The following SPTAN1 variants were observed in gnomAD, a reference collection of about 807,000 sequenced individuals.
SPTAN1 encodes spectrin alpha chain, non-erythrocytic 1.
Under a neutral mutation model 331.3 loss-of-function variants are expected in SPTAN1, and 61 were observed. That is an observed-to-expected ratio of 0.18 (90% confidence interval 0.15 to 0.23). The LOEUF is 0.23. Among genes scored for constraint, SPTAN1 ranks in the 10% least tolerant of loss-of-function variants. SPTAN1 has a pLI of 1.00. For synonymous variants in SPTAN1, 1,153 were observed against 1,173.9 expected (o/e 0.98, Z 0.36); for missense variants, 2,043 against 3,147.9 (o/e 0.65, Z 8.40).
chr9:128,630,141 C>T, intron 51 of SPTAN1, 180 bp from the exon 52 acceptor site: 1 of 778,554 alleles, frequency 1.3e-6, no homozygotes, highest in South Asian at 1.4e-5. Flanking sequence ...GGGAGAAATG[C>T]TCCCTGCCAT....
At chr9:128,575,652 C>G (rs558280047) in intron 5 of SPTAN1, among the ~76,000 whole-genome samples, 2 of 152,140 alleles carry the variant, frequency 1.3e-5, no homozygotes, top group Non-Finnish European at 2.9e-5. Flanking sequence ...GTTTCTCAGA[C>G]GAGGGTGTGG....
chr9:128,578,774 A>G (rs1175543331), intron 9 of SPTAN1, among the ~76,000 whole-genome samples: 1 of 150,158 alleles, frequency 6.7e-6, no homozygotes, highest in Non-Finnish European at 1.5e-5. Context: ...GGTTGCAGTG[A>G]GCCAAGATCA....
In SPTAN1 at chr9:128,577,652, CTGTT is replaced by C. The variant is rs538213819; in HGVS notation, c.1085+149_1085+152del. 4.2e-4 allele frequency: 470 copies of C among 1,114,694 alleles called. No individual in the cohort carries two copies. The African/African-American group carries it at 4.9e-3, about 12-fold the overall frequency. The allele number at this position is 1,114,694 out of a possible 1,614,324, so 69.1% of individuals were successfully genotyped here. On this transcript the variant is annotated intron_variant, in intron 8 of 56. Coordinates refer to ENST00000372739, the MANE Select transcript of SPTAN1 (RefSeq NM_001130438.3). This position sits in a 1 kb window ranked among gnomAD's most constrained non-coding sequence, Gnocchi z 4.2. ...AAATCACTTCTTACCTATGTTCTCT[CTGTT>C]TGGAGACTGGCAACTGTATCATGTG...
In SPTAN1 at chr9:128,591,561, TC is replaced by T; in HGVS notation, c.3094del (p.Arg1032GlyfsTer11). ...VKKLDPAQSA[S>X]RENLLEEQGS... ...GAAATTGGACCCCGCCCAGTCAGCC[TC>T]CCGGGAGAATCTCCTGGAGGAGCAA... On this transcript the variant is annotated frameshift_variant, in exon 22 of 57. Coordinates refer to ENST00000372739, the MANE Select transcript of SPTAN1 (RefSeq NM_001130438.3). LOFTEE classifies it high-confidence loss of function. The T allele has an allele frequency of 6.2e-7, 1 of 1,614,100 alleles. No individual in the cohort carries two copies.
intron 39 of SPTAN1, among the ~76,000 whole-genome samples, chr9:128,612,789 G>A (rs1856714450): frequency 6.6e-6 from 1 of 152,118 alleles, no homozygotes; most frequent in Non-Finnish European, 1.5e-5. Flanking sequence ...AGCCAGGCGT[G>A]GTGGCACGCT....
intron 45 of SPTAN1, among the ~76,000 whole-genome samples, chr9:128,622,951 C>T (rs980218930): frequency 1.3e-5 from 2 of 151,862 alleles, no homozygotes; most frequent in African/African-American, 4.8e-5. Context: ...TGGGGTTTCA[C>T]CATGTTGGTT....
At position 128,629,059 on chromosome 9, in the gene SPTAN1, C is replaced by G; in HGVS notation, c.6707+1117C>G. ...CTGCCAGCTTGGGCTTTGTGTGTGT[C>G]TGTTGCAGTGTGCTCTTGCCTCCCC... On this transcript the variant is annotated intron_variant, in intron 51 of 56. Coordinates refer to ENST00000372739, the MANE Select transcript of SPTAN1 (RefSeq NM_001130438.3). This position sits in a 1 kb window ranked among gnomAD's most constrained non-coding sequence, Gnocchi z 4.9. 1 of 398,418 alleles carries G rather than the reference C, an allele frequency of 2.5e-6. No homozygotes were observed. The highest frequency in any genetic ancestry group is 3.6e-5 in the East Asian group (1 of 28,036). The allele number at this position is 398,418 out of a possible 1,614,324, so 24.7% of individuals were successfully genotyped here.
chr9:128,603,755 G>A (rs943022327), intron 28 of SPTAN1, among the ~76,000 whole-genome samples, 165 bp downstream of exon 28: 13 of 152,216 alleles, frequency 8.5e-5, no homozygotes, highest in Admixed American at 8.5e-4. Flanking sequence ...ATTCATGGCC[G>A]CTGGGTAGCT....
chr9:128,575,491 G>A (rs984933291), intron 5 of SPTAN1, 146 bp downstream of exon 5: 1 of 885,898 alleles, frequency 1.1e-6, no homozygotes, highest in African/African-American at 1.7e-5. Flanking sequence ...TTAGATGTGA[G>A]GCACAATACT....
chr9:128,624,086 CAAAAAAAAAAAA>C lies in SPTAN1; in HGVS notation c.5833-227_5833-216del, dbSNP rs11444346. ...CGACGGAGTGAAATTCACTCCGTCT[CAAAAAAAAAAAA>C]AAAAAAAAAAAAAAGAATTCCTAAA... is the stretch of plus-strand genomic sequence containing the variant. On this transcript the variant is annotated intron_variant, in intron 45 of 56. Coordinates refer to ENST00000372739, the MANE Select transcript of SPTAN1 (RefSeq NM_001130438.3). Among the ~76,000 whole-genome samples, 2,988 of 66,864 alleles carry C rather than the reference CAAAAAAAAAAAA, an allele frequency of 0.045. 113 individuals carry two copies. Among genetic ancestry groups the C allele is most frequent in the African/African-American group, 0.1 (2,341 of 22,576 alleles). 43.9% of individuals were successfully genotyped at this position (66,864 alleles called of 152,430 possible).
chr9:128,595,293 A>G (rs184675224), intron 24 of SPTAN1, among the ~76,000 whole-genome samples: 7 of 152,204 alleles, frequency 4.6e-5, no homozygotes, highest in African/African-American at 9.6e-5. Context: ...TATTTTTAGT[A>G]CAACCGGGAT....
chr9:128,619,663 C>G (rs10819424), intron 44 of SPTAN1, among the ~76,000 whole-genome samples: 20,548 of 152,260 alleles, frequency 0.13, 1,820 homozygotes, highest in East Asian at 0.44. Context: ...ATGACCTCAT[C>G]TTACCTTTGC....
At chr9:128,564,000 T>C (rs760762327) in intron 1 of SPTAN1, among the ~76,000 whole-genome samples, 1 of 152,078 alleles carries the variant, frequency 6.6e-6, no homozygotes, top group Non-Finnish European at 1.5e-5. Context: ...GGACCGGACA[T>C]GGTGGCTTAC....
chr9:128,613,529 G>A, intron 40 of SPTAN1, 44 bp downstream of exon 40: 2 of 1,492,350 alleles, frequency 1.3e-6, no homozygotes, highest in Non-Finnish European at 1.9e-6. Context: ...CTGGGACACA[G>A]CTCTGCCTGA....
intron 3 of SPTAN1, among the ~76,000 whole-genome samples, chr9:128,573,203 GA>G (rs1194853499): frequency 6.6e-6 from 1 of 152,230 alleles, no homozygotes; most frequent in African/African-American, 2.4e-5. Flanking sequence ...TGGAATACCA[GA>G]ATGCATCATC....
intron 9 of SPTAN1, among the ~76,000 whole-genome samples, chr9:128,578,754 G>A (rs548864403): frequency 6.6e-6 from 1 of 150,938 alleles, no homozygotes; most frequent in Non-Finnish European, 1.5e-5. Flanking sequence ...GCTTGAACCC[G>A]GGAGGCAGAG....
chr9:128,586,840 C>CA (rs2131221038), intron 19 of SPTAN1, among the ~76,000 whole-genome samples: 2 of 147,436 alleles, frequency 1.4e-5, no homozygotes, highest in African/African-American at 5.0e-5. Flanking sequence ...TTTTCTGAGA[C>CA]AGAGTCTCAC....
chr9:128,592,161 TG>T (rs1273447989), intron 22 of SPTAN1, among the ~76,000 whole-genome samples: 1 of 152,162 alleles, frequency 6.6e-6, no homozygotes, highest in Admixed American at 6.5e-5. Flanking sequence ...CACTAGAGTT[TG>T]GGTAGAATAG....
intron 1 of SPTAN1, among the ~76,000 whole-genome samples, chr9:128,562,992 G>GTA (rs1168781290): frequency 0.021 from 64 of 3,110 alleles, no homozygotes; most frequent in Admixed American, 0.045. Flanking sequence ...ACATGTATGT[G>GTA]TATATATATA....
Sources: gnomAD v4.1 joint callset for allele counts (sites outside exome capture counted in the v4.1 genomes callset) on GRCh38, gnomAD v4.1.1 for gene constraint, Gnocchi (gnomAD v3.1) non-coding constraint, MANE v1.5 for transcripts, NCBI Gene and HGNC (gene_info 2026-07-23, HGNC 2026-07-21) for gene names.